PCF11: variants seen among roughly 807,000 people sequenced by gnomAD.
PCF11 encodes the protein pre-mRNA cleavage complex 2 protein Pcf11.
PCF11 carries 19 observed loss-of-function variants against 166.1 expected under a neutral mutation model. That is an observed-to-expected ratio of 0.11 (90% CI 0.08 to 0.17). PCF11 has a LOEUF of 0.17. Among genes scored for constraint, PCF11 ranks in the 10% least tolerant of loss-of-function variants. PCF11 has a pLI of 1.00. For synonymous variants in PCF11, 663 were observed against 644.1 expected, an observed-to-expected ratio of 1.03 and a Z score of -0.44; for missense variants, 1,565 against 1,855.5, an observed-to-expected ratio of 0.84 and a Z score of 2.88.
chr11:83,184,852 C>G (rs543582640), exon 16 of PCF11: 6 of 1,574,194 alleles, frequency 3.8e-6, no homozygotes, highest in South Asian at 3.6e-5. Context: ...TAGCAACACC[C>G]TCTGAAATTA....
rs1160238534 is a variant in PCF11 at position 83,167,342 on chromosome 11, T to C, written c.2001+34T>C. On this transcript the variant is annotated intron_variant, in intron 6 of 15. Coordinates refer to ENST00000298281, the Ensembl canonical transcript of PCF11. The surrounding 1 kb of genome is among the most constrained non-coding windows in gnomAD (Gnocchi z 4.2). ...TATGATTAATCCCATGTAGTCATCA[T>C]TATCTATCGTCTATTTTTTTGGTAT... is the stretch of plus-strand genomic sequence containing the variant. The C allele has an allele frequency of 6.4e-7, 1 of 1,557,612 alleles. No homozygotes were observed. Among genetic ancestry groups the C allele is most frequent in the Non-Finnish European group, 8.7e-7 (1 of 1,153,562 alleles).
chr11:83,159,687 G>T (rs542493211), intron 1 of PCF11, among the ~76,000 whole-genome samples: 1 of 152,246 alleles, frequency 6.6e-6, no homozygotes, highest in East Asian at 1.9e-4. Flanking sequence ...ATCTTAATCT[G>T]GGTTGGGATC....
rs1860513945 is a variant in PCF11, at chr11:83,167,528, G to T, written c.2092+23G>T. ...AAGGTAAACATAGATGCAATGTACGGGATAGTCCTACAGAAGAAAATAAAG... is the reference window on the plus strand; with the variant it reads ...AAGGTAAACATAGATGCAATGTACGTGATAGTCCTACAGAAGAAAATAAAG... On this transcript the variant is annotated intron_variant, in intron 7 of 15. Coordinates refer to ENST00000298281, the Ensembl canonical transcript of PCF11. The surrounding 1 kb of genome is among the most constrained non-coding windows in gnomAD (Gnocchi z 4.2). 1 of 1,607,094 alleles carries T rather than the reference G, an allele frequency of 6.2e-7. No individual in the cohort carries two copies. The highest frequency in any genetic ancestry group is 1.3e-5 in the African/African-American group (1 of 74,726).
intron 2 of PCF11, among the ~76,000 whole-genome samples, chr11:83,162,688 G>C (rs577704113): frequency 6.6e-6 from 1 of 152,296 alleles, no homozygotes; most frequent in South Asian, 2.1e-4. Context: ...TATGAATATA[G>C]TTAAGGCTTT....
chr11:83,177,031 G>A (rs1860908725), intron 9 of PCF11, 54 bp from the exon 10 acceptor site: 1 of 1,318,304 alleles, frequency 7.6e-7, no homozygotes, highest in Non-Finnish European at 9.8e-7. Flanking sequence ...GCATCTTTAA[G>A]TTCTACATTC....
chr11:83,176,562 C>T (rs1422411616), intron 9 of PCF11, among the ~76,000 whole-genome samples: 2 of 152,100 alleles, frequency 1.3e-5, no homozygotes, highest in Non-Finnish European at 2.9e-5. Context: ...AGGAAACCAT[C>T]ATTCTAAGCA....
At chr11:83,172,456 T>C (rs1177273316) in intron 9 of PCF11, among the ~76,000 whole-genome samples, 1 of 152,170 alleles carries the variant, frequency 6.6e-6, no homozygotes, top group African/African-American at 2.4e-5. Context: ...AGAATCTTGC[T>C]CTCTTACCCA....
intron 1 of PCF11, chr11:83,158,603 A>G (rs1363348221): frequency 6.6e-6 from 1 of 152,242 alleles, no homozygotes; most frequent in East Asian, 1.9e-4. Context: ...CAACTTAGTT[A>G]CAATGAGTTT....
intron 9 of PCF11, among the ~76,000 whole-genome samples, chr11:83,172,992 G>C (rs1321296288): frequency 6.6e-6 from 1 of 152,142 alleles, no homozygotes; most frequent in Non-Finnish European, 1.5e-5. Flanking sequence ...GGACAATTAT[G>C]ACTAATTAAT....
At chr11:83,169,311 T>C in exon 8 of PCF11, 1 of 1,611,680 alleles carries the variant, frequency 6.2e-7, no homozygotes, top group Non-Finnish European at 8.5e-7. Context: ...CAGGGGTTGG[T>C]ATCAGGTTTG....
chr11:83,180,972 T>A, intron 11 of PCF11, 36 bp from the exon 12 acceptor site: 1 of 1,255,384 alleles, frequency 8.0e-7, no homozygotes, highest in Non-Finnish European at 1.1e-6. Context: ...TTAAGCCATA[T>A]TATCAACACT....
exon 5 of PCF11, chr11:83,166,109 A>G (rs749323557): frequency 1.9e-6 from 3 of 1,610,446 alleles, no homozygotes; most frequent in Middle Eastern, 1.7e-4. Flanking sequence ...ATCCAAGATT[A>G]AAAAAACATC....
exon 8 of PCF11, chr11:83,169,488 A>G: frequency 6.2e-7 from 1 of 1,613,344 alleles, no homozygotes; most frequent in South Asian, 1.1e-5. Context: ...TCTTGCCAAG[A>G]TTTGATGGAT....
At chr11:83,161,833 G>T (rs778206185) in intron 2 of PCF11, among the ~76,000 whole-genome samples, 4 of 152,044 alleles carry the variant, frequency 2.6e-5, no homozygotes, top group African/African-American at 4.8e-5. Flanking sequence ...TGTTCTCTTG[G>T]GGGGGTAAAA....
In PCF11 at chr11:83,168,389, G is replaced by A. The variant is rs377465331; in HGVS notation, c.2093-39G>A. ...TTCATACGAAAATAGAAGATTTTAA[G>A]ATAACTTTAGTGAAAATAATTTTTT... On this transcript the variant is annotated intron_variant, in intron 7 of 15. Coordinates refer to ENST00000298281, the Ensembl canonical transcript of PCF11. The A allele has an allele frequency of 3.3e-6, 5 of 1,497,920 alleles. No individual in the cohort carries two copies. In the African/African-American group the frequency reaches 7.1e-5, roughly 21 times the overall value. The allele number at this position is 1,497,920 out of a possible 1,614,324, so 92.8% of individuals were successfully genotyped here.
chr11:83,178,523 C>T (rs972084291), intron 11 of PCF11, among the ~76,000 whole-genome samples: 6 of 151,908 alleles, frequency 3.9e-5, no homozygotes, highest in South Asian at 4.2e-4. Flanking sequence ...CGGCTGGGCG[C>T]GGTGGCTCAC....
chr11:83,167,263 T>C lies in PCF11; in HGVS notation c.1956T>C (p.Ile652=), dbSNP rs1457071592. 1 of 1,613,640 alleles carries C rather than the reference T, an allele frequency of 6.2e-7. No homozygotes were observed. Among genetic ancestry groups the C allele is most frequent in the Admixed American group, 1.7e-5 (1 of 60,010 alleles). The change falls in exon 6 of 16, where the codon ATT becomes ATC. Residue 652 remains isoleucine, a synonymous_variant. Coordinates refer to ENST00000298281, the Ensembl canonical transcript of PCF11. This position sits in a 1 kb window ranked among gnomAD's most constrained non-coding sequence, Gnocchi z 4.2. Reference sequence around the variant, plus strand: ...TAAGTGTAGATGCCAATCTTCAGATTCCTAAAGAGTTAACTCTTGCAAGCA... The same window carrying C: ...TAAGTGTAGATGCCAATCTTCAGATCCCTAAAGAGTTAACTCTTGCAAGCA...
intron 2 of PCF11, among the ~76,000 whole-genome samples, chr11:83,162,194 C>G (rs12270846): frequency 0.021 from 3,211 of 152,184 alleles, 89 homozygotes; most frequent in African/African-American, 0.072. Flanking sequence ...TCACATTGAA[C>G]AAAAAGGCAC....
At chr11:83,185,958 G>C (rs1446070771) in exon 16 of PCF11, 1 of 152,344 alleles carries the variant, frequency 6.6e-6, no homozygotes, top group Non-Finnish European at 1.5e-5. Flanking sequence ...ATAAAACACT[G>C]AGTTTTATTG....
Sources: gnomAD v4.1 joint callset for allele counts (sites outside exome capture counted in the v4.1 genomes callset) on GRCh38, gnomAD v4.1.1 for gene constraint, Gnocchi (gnomAD v3.1) non-coding constraint, MANE v1.5 for transcripts, NCBI Gene and HGNC (gene_info 2026-07-23, HGNC 2026-07-21) for gene names.